ZC3H18: variants seen among roughly 807,000 people sequenced by gnomAD.
The protein encoded by ZC3H18 is zinc finger CCCH domain-containing protein 18.
A neutral mutation model predicts 106.1 loss-of-function variants in ZC3H18; 8 were observed. The ratio of observed to expected loss-of-function variants is 0.08; its 90% CI spans 0.04 to 0.14. The LOEUF is 0.14. ZC3H18 is among the 10% of genes least tolerant of loss of function. The probability of loss-of-function intolerance (pLI) is 1.00; values close to 1 mark genes in which losing one functional copy is unlikely to be tolerated. For missense variants in ZC3H18, 1,318 were observed against 1,278.4 expected, an observed-to-expected ratio of 1.03 and a Z score of -0.47; for synonymous variants, 635 against 522.1, an observed-to-expected ratio of 1.22 and a Z score of -2.95.
At chr16:88,630,442 C>G (rs761532412) in intron 16 of ZC3H18, 43 bp from the exon 17 acceptor site, 2 of 1,549,694 alleles carry the variant, frequency 1.3e-6, no homozygotes, top group Non-Finnish European at 1.8e-6. Context: ...CAGCCATTCC[C>G]TGTACATCAG....
At chr16:88,590,362 C>G (rs1480797862) in intron 3 of ZC3H18, among the ~76,000 whole-genome samples, 1 of 152,178 alleles carries the variant, frequency 6.6e-6, no homozygotes, top group Non-Finnish European at 1.5e-5. Context: ...GGGAACACAC[C>G]TTGCTCACAT....
intron 8 of ZC3H18, among the ~76,000 whole-genome samples, chr16:88,613,511 C>T (rs956665065): frequency 2.0e-5 from 3 of 152,104 alleles, no homozygotes; most frequent in South Asian, 2.1e-4. Flanking sequence ...GCACTTGCTG[C>T]GGTCCGTCTT....
At chr16:88,571,800 G>C (rs1914423693) in intron 1 of ZC3H18, 2 of 392,552 alleles carry the variant, frequency 5.1e-6, no homozygotes, top group African/African-American at 4.4e-5. Context: ...TTGCACGTGG[G>C]GTCTGTCACC....
chr16:88,593,863 C>A (rs1399042232), intron 3 of ZC3H18, among the ~76,000 whole-genome samples: 1 of 152,198 alleles, frequency 6.6e-6, no homozygotes, highest in Non-Finnish European at 1.5e-5. Flanking sequence ...TCAGGACTTT[C>A]TCAGGTGACC....
At chr16:88,608,349 C>T (rs534152932) in intron 6 of ZC3H18, among the ~76,000 whole-genome samples, 1 of 151,712 alleles carries the variant, frequency 6.6e-6, no homozygotes, top group Admixed American at 6.6e-5. Flanking sequence ...TTCCTATTTT[C>T]TTTCCTTTTT....
At position 88,627,742 on chromosome 16, in the gene ZC3H18, C is replaced by T; in HGVS notation, c.2229C>T (p.Ser743=). 22 of 1,613,034 alleles carry T rather than the reference C, an allele frequency of 1.4e-5. No homozygotes were observed. Among genetic ancestry groups the T allele is most frequent in the Non-Finnish European group, 1.9e-5 (22 of 1,179,370 alleles). Residue 743 remains serine, a synonymous_variant, in exon 14 of 18, where the codon AGC becomes AGT. Transcript: ENST00000301011. This position sits in a 1 kb window ranked among gnomAD's most constrained non-coding sequence, Gnocchi z 4.5. Reference sequence around the variant, plus strand: ...TGGCTAGCCCCGTGTCCTCAGCCAGCTCTCGGTCCCCGGCCCCAGCCCAGA... The same window carrying T: ...TGGCTAGCCCCGTGTCCTCAGCCAGTTCTCGGTCCCCGGCCCCAGCCCAGA... ...ADLASPVSSA[S]SRSPAPAQTR...
chr16:88,611,411 G>A lies in ZC3H18; in HGVS notation c.1350G>A (p.Lys450=). Residue 450 remains lysine (K), a synonymous_variant, in exon 8 of 18, where the codon AAG becomes AAA. Transcript: ENST00000301011. ...GCGACAAGGAGCGGCAGCGGAGGAA[G>A]GAGGAGTGGGAGCGTGAGCGAGCCA... is the stretch of plus-strand genomic sequence containing the variant. The part of the protein sequence containing the change: ...RERDKERQRR[K]EEWERERAKR... 1.5e-6 allele frequency: 2 copies of A among 1,302,374 alleles called. No homozygotes were observed. Among genetic ancestry groups the A allele is most frequent in the South Asian group, 1.3e-5 (1 of 79,130 alleles). The allele number at this position is 1,302,374 out of a possible 1,614,324, so 80.7% of individuals were successfully genotyped here. A position where few individuals can be genotyped will look rare whatever the true frequency, so the allele number is the denominator to read the frequency against.
At chr16:88,584,141 G>A (rs955224008) in intron 2 of ZC3H18, among the ~76,000 whole-genome samples, 11 of 152,166 alleles carry the variant, frequency 7.2e-5, no homozygotes, top group African/African-American at 2.7e-4. Context: ...GGGCACGGAG[G>A]CTGGGCGTGG....
intron 3 of ZC3H18, among the ~76,000 whole-genome samples, chr16:88,587,938 T>C (rs750562699): frequency 6.6e-6 from 1 of 152,198 alleles, no homozygotes; most frequent in African/African-American, 2.4e-5. Flanking sequence ...GGCTCGCTCC[T>C]GTGGGTGTGT....
At chr16:88,623,002 A>C (rs902126324) in intron 9 of ZC3H18, 3 of 653,312 alleles carry the variant, frequency 4.6e-6, no homozygotes, top group African/African-American at 1.8e-5. Flanking sequence ...TTGATTTCTA[A>C]ATGCCGTTCT....
chr16:88,582,641 AG>A (rs1915205012), intron 2 of ZC3H18, among the ~76,000 whole-genome samples: 1 of 152,104 alleles, frequency 6.6e-6, no homozygotes, highest in African/African-American at 2.4e-5. Flanking sequence ...ACTTGGAAAA[AG>A]GGCCCCGTAG....
At chr16:88,625,506 A>G (rs1268576675) in intron 13 of ZC3H18, 9 of 551,454 alleles carry the variant, frequency 1.6e-5, no homozygotes, top group Non-Finnish European at 2.6e-5. Context: ...ACTCGGGGGC[A>G]CTCAGGTCAG....
chr16:88,602,055 G>A (rs1358193100), intron 6 of ZC3H18, among the ~76,000 whole-genome samples: 1 of 152,254 alleles, frequency 6.6e-6, no homozygotes, highest in Non-Finnish European at 1.5e-5. Context: ...AGACCCGGAG[G>A]GAAGGAAGGA....
rs1597352205 is a variant in ZC3H18, at chr16:88,616,302, G to C, written c.1475+4766G>C. ...CTGGGCCGAGCCGCTCTTCCCACCT[G>C]TTTCTGACCTGGTTCATTTCCCTTC... On this transcript the variant is annotated intron_variant, in intron 8 of 17. Coordinates refer to ENST00000301011, the MANE Select transcript of ZC3H18 (RefSeq NM_144604.4). Among the ~76,000 whole-genome samples the C allele has an allele frequency of 2.6e-5, 4 of 152,256 alleles. No homozygotes were observed. In the South Asian group the frequency reaches 8.3e-4, roughly 31 times the overall value.
At chr16:88,576,586 A>C (rs910287447) in intron 1 of ZC3H18, among the ~76,000 whole-genome samples, 1 of 152,126 alleles carries the variant, frequency 6.6e-6, no homozygotes, top group Non-Finnish European at 1.5e-5. Flanking sequence ...CTGGCCTTCG[A>C]GAAGTGTGTT....
Position 88,577,327 on chromosome 16 carries a change from C to A in ZC3H18, c.204C>A (p.Asp68Glu), listed in dbSNP as rs766575412. 2 of 1,608,672 alleles carry A rather than the reference C, an allele frequency of 1.2e-6. No individual in the cohort carries two copies. The highest frequency in any genetic ancestry group is 2.2e-5 in the East Asian group (1 of 44,842). ...PSQEEEDNHS[D>E]EEDRASEPKS... is the part of the protein sequence containing the mutation. ...AGGAGGAGGAAGATAATCACTCCGA[C>A]GAGGAGGACCGGGCAAGTGAGCCTA... Residue 68 changes from aspartate (D) to glutamate (E), a missense_variant, in exon 2 of 18, where the codon GAC becomes GAA. By Grantham distance (45) the Asp-to-Glu change is conservative. Around this residue, in one of 6 missense-constraint regions of ZC3H18, gnomAD observed 346 missense variants for 269.0 expected, o/e 1.29. Coordinates refer to ENST00000301011, the MANE Select transcript of ZC3H18 (RefSeq NM_144604.4).
intron 8 of ZC3H18, among the ~76,000 whole-genome samples, chr16:88,618,751 A>C (rs749754029): frequency 6.6e-6 from 1 of 152,200 alleles, no homozygotes; most frequent in Non-Finnish European, 1.5e-5. Context: ...GCTGCGGGAA[A>C]GGCTACTTCC....
intron 3 of ZC3H18, among the ~76,000 whole-genome samples, chr16:88,590,593 C>T (rs1248896378): frequency 7.8e-5 from 6 of 76,506 alleles, no homozygotes; most frequent in African/African-American, 1.5e-4. Flanking sequence ...GACAGTGTCT[C>T]GCTCTGTCAC....
chr16:88,626,904 G>T lies in ZC3H18; in HGVS notation c.2109-718G>T, dbSNP rs1300600513. Among the ~76,000 whole-genome samples the T allele has an allele frequency of 3.3e-5, 5 of 152,248 alleles. No homozygotes were observed. The East Asian group carries it at 9.6e-4, about 29-fold the overall frequency. On this transcript the variant is annotated intron_variant, in intron 13 of 17. Transcript: ENST00000301011. The stretch of plus-strand genomic sequence containing the variant: ...AGTCTGTCTGCCGTGTGTTCCTCAG[G>T]CATTCCCTGAGACTGCGGAATTGCT...
Sources: allele counts gnomAD v4.1 joint callset (sites outside exome capture counted in the v4.1 genomes callset), GRCh38; gene constraint gnomAD v4.1.1; regional missense constraint gnomAD v4.1.1; non-coding constraint Gnocchi (gnomAD v3.1); transcripts MANE v1.5; gene names NCBI Gene and HGNC (gene_info 2026-07-23, HGNC 2026-07-21).